The following OFD1 variants were observed in gnomAD, a reference collection of about 807,000 sequenced individuals.
The protein encoded by OFD1 is OFD1 centriole and centriolar satellite protein, also known as centriole and centriolar satellite protein OFD1.
In OFD1, 12 loss-of-function variants were observed where a neutral mutation model predicts 81.4. The ratio of observed to expected loss-of-function variants is 0.15; its 90% CI spans 0.09 to 0.24. The LOEUF (loss-of-function observed/expected upper bound fraction) is 0.24. Ranked by LOEUF, OFD1 falls within the 10% of genes least tolerant of loss-of-function variation. The pLI is 1.00. For synonymous variants in OFD1, 256 were observed against 263.7 expected, an observed-to-expected ratio of 0.97 and a Z score of 0.28; for missense variants, 685 against 733.9, an observed-to-expected ratio of 0.93 and a Z score of 0.77.
intron 13 of OFD1, among the ~76,000 whole-genome samples, chrX:13,757,142 G>A (rs1309066199): frequency 1.8e-5 from 2 of 112,206 alleles, no homozygotes; most frequent in East Asian, 2.8e-4. Flanking sequence ...CCCAAGGAGC[G>A]CTAACAGTAT....
downstream of OFD1, among the ~76,000 whole-genome samples, chrX:13,770,145 C>T (rs139650015): frequency 8.0e-3 from 895 of 112,196 alleles, 9 homozygotes; most frequent in African/African-American, 0.027. Flanking sequence ...TCCTAGGTTT[C>T]GTGGCAGGAT....
intron 20 of OFD1, among the ~76,000 whole-genome samples, chrX:13,767,515 A>C (rs1006013416): frequency 8.9e-6 from 1 of 112,329 alleles, no homozygotes; most frequent in Non-Finnish European, 1.9e-5. Context: ...ATTTTTGTAC[A>C]TTCTCATCTG....
At chrX:13,731,734 G>A (rs1489158647), upstream of OFD1, among the ~76,000 whole-genome samples, 2 of 112,098 alleles carry the variant, frequency 1.8e-5, no homozygotes, top group Non-Finnish European at 3.8e-5. Flanking sequence ...AGAACATTGG[G>A]TGCTCCGTGT....
intron 15 of OFD1, 116 bp from the exon 16 acceptor site, chrX:13,759,999 A>G: frequency 2.2e-6 from 2 of 907,925 alleles, no homozygotes; most frequent in Admixed American, 2.2e-5. Context: ...GAAACTGTAT[A>G]GTGCAAGTTT....
chrX:13,722,391 T>C, the OFD1 span, among the ~76,000 whole-genome samples: 157 of 110,433 alleles, frequency 1.4e-3, no homozygotes, highest in African/African-American at 5.0e-3. Context: ...ACCGACTGCA[T>C]GAGGATGCTG....
In OFD1 at chrX:13,761,202, A is replaced by G. The variant is rs1011016845; in HGVS notation, c.2378A>G (p.Gln793Arg). The change falls in exon 17 of 23, where the codon CAG becomes CGG. Residue 793 changes from glutamine to arginine, a missense_variant. Around this residue, in one of 3 missense-constraint regions of OFD1, gnomAD observed 259 missense variants for 254.4 expected, o/e 1.02. Coordinates refer to ENST00000340096, the MANE Select transcript of OFD1 (RefSeq NM_003611.3). ...SIPPVSSPPE[Q>R]KVGLYRRQTE... ...CCTCCTGTCTCCAGCCCTCCGGAGC[A>G]GAAAGTGGGGTAAGTATAACGTTCT... 2 of 1,208,789 alleles carry G rather than the reference A, an allele frequency of 1.7e-6. No homozygotes were observed. The highest frequency in any genetic ancestry group is 2.2e-6 in the Non-Finnish European group (2 of 894,744).
chrX:13,726,452 AT>A, the OFD1 span, among the ~76,000 whole-genome samples: 1 of 112,073 alleles, frequency 8.9e-6, no homozygotes, highest in Non-Finnish European at 1.9e-5. Context: ...GGGGGCCAAT[AT>A]TCAGCATTCT....
intron 2 of OFD1, chrX:13,735,958 T>A (rs1431129486): frequency 2.9e-5 from 4 of 140,063 alleles, no homozygotes; most frequent in Non-Finnish European, 5.2e-5. Flanking sequence ...TATCCTTTTT[T>A]AATTTAAATT....
intron 13 of OFD1, 23 bp downstream of exon 13, chrX:13,756,790 G>A: frequency 8.8e-7 from 1 of 1,134,403 alleles, no homozygotes; most frequent in Non-Finnish European, 1.2e-6. Flanking sequence ...CTTTTCTTCT[G>A]ACTTGCGTGT....
rs754913324 is a variant in OFD1 at position 13,744,646 on chromosome X, G to A, written c.517+127G>A. ...GGGATGCAGCCGGCAGGCAACAAGG[G>A]AATTCATTTCTGGAATCATCTTGGG... On this transcript the variant is annotated intron_variant, in intron 6 of 22. Transcript: ENST00000340096. 6 of 511,756 alleles carry A rather than the reference G, an allele frequency of 1.2e-5. No homozygotes were observed. In the East Asian group the frequency reaches 2.3e-4, roughly 19 times the overall value. 42.2% of individuals were successfully genotyped at this position (511,756 alleles called of 1,213,427 possible).
chrX:13,727,812 C>T, the OFD1 span, among the ~76,000 whole-genome samples: 1 of 111,602 alleles, frequency 9.0e-6, no homozygotes, highest in African/African-American at 3.3e-5. Flanking sequence ...AATCCAGGAG[C>T]TGGTTTTTTC....
At chrX:13,771,264 C>T (rs998393621), downstream of OFD1, 4 of 111,418 alleles carry the variant, frequency 3.6e-5, no homozygotes, top group Admixed American at 9.6e-5. Flanking sequence ...TCTTCTAGAA[C>T]ACTGGACTCT....
chrX:13,722,208 C>CAAAA, the OFD1 span: 1 of 36,116 alleles, frequency 2.8e-5, no homozygotes, highest in Non-Finnish European at 5.1e-5. Flanking sequence ...TAAGCAGCAG[C>CAAAA]AAAAAAAAAA....
intron 11 of OFD1, among the ~76,000 whole-genome samples, chrX:13,753,797 C>G (rs1030699162): frequency 2.3e-5 from 2 of 86,965 alleles, no homozygotes; most frequent in Admixed American, 2.9e-4. Flanking sequence ...TTATTTTTCA[C>G]TTACGGAAAA....
chrX:13,734,399 A>G (rs1311335707), upstream of OFD1: 5 of 278,616 alleles, frequency 1.8e-5, no homozygotes, highest in Non-Finnish European at 2.5e-5. Flanking sequence ...GAGGGCTGGC[A>G]GGTCCGGCCC....
chrX:13,730,745 G>C (rs975394699), upstream of OFD1, among the ~76,000 whole-genome samples: 1 of 111,199 alleles, frequency 9.0e-6, no homozygotes, highest in South Asian at 3.8e-4. Flanking sequence ...CCATAAAAAA[G>C]GATGAGTTCA....
In OFD1 at chrX:13,740,179, C is replaced by T. The variant is rs187201756; in HGVS notation, c.412+1147C>T. 227 of 964,806 alleles carry T rather than the reference C, an allele frequency of 2.4e-4. 2 individuals are homozygous for T. The Middle Eastern group carries it at 5.9e-3, about 25-fold the overall frequency. The allele number at this position is 964,806 out of a possible 1,213,427, so 79.5% of individuals were successfully genotyped here. A position where few individuals can be genotyped will look rare whatever the true frequency, so the allele number is the denominator to read the frequency against. The stretch of plus-strand genomic sequence containing the variant: ...GGAGCACAAGATATTCTGGACTGCC[C>T]GCAAACTAGACCATCTCTACTGAAG... On this transcript the variant is annotated intron_variant, in intron 5 of 22. Coordinates refer to ENST00000340096, the MANE Select transcript of OFD1 (RefSeq NM_003611.3).
At chrX:13,720,131 G>A in the OFD1 span, 6 of 344,472 alleles carry the variant, frequency 1.7e-5, no homozygotes, top group East Asian at 1.4e-4. Context: ...GTATACTAGC[G>A]AAGATACGTA....
chrX:13,772,884 T>C (rs756024718), downstream of OFD1: 3 of 1,210,180 alleles, frequency 2.5e-6, no homozygotes, highest in East Asian at 3.0e-5. Flanking sequence ...CAAACATTTA[T>C]GTGTAAGAAT....
Sources: gnomAD v4.1 joint callset for allele counts (sites outside exome capture counted in the v4.1 genomes callset) on GRCh38, gnomAD v4.1.1 for gene constraint, gnomAD v4.1.1 regional missense constraint, MANE v1.5 for transcripts, NCBI Gene and HGNC (gene_info 2026-07-23, HGNC 2026-07-21) for gene names.